FGF12: variants seen among roughly 807,000 people sequenced by gnomAD.
FGF12 encodes the protein fibroblast growth factor 12.
A neutral mutation model predicts 23.6 loss-of-function variants in FGF12; 14 were observed. The observed-to-expected ratio is 0.59, with a 90% CI of 0.39 to 0.93. The LOEUF (loss-of-function observed/expected upper bound fraction) is 0.93. Ranked by LOEUF, FGF12 falls within the 40% of genes least tolerant of loss-of-function variation. FGF12 has a pLI of 0.00. For missense variants in FGF12, 175 were observed against 217.8 expected (o/e 0.80, Z 1.24); for synonymous variants, 62 against 77.3 (o/e 0.80, Z 1.04).
chr3:192,365,976 T>TAAAAAA (rs5855421), intron 2 of FGF12, among the ~76,000 whole-genome samples: 4 of 130,784 alleles, frequency 3.1e-5, no homozygotes, highest in Non-Finnish European at 3.5e-5. Context: ...GCTTCAAAGG[T>TAAAAAA]AAAAAAAAAA....
chr3:192,425,597 G>C (rs568736140), intron 2 of FGF12, among the ~76,000 whole-genome samples: 1 of 152,250 alleles, frequency 6.6e-6, no homozygotes, highest in Admixed American at 6.5e-5. Context: ...TGAATGAACA[G>C]TGTTTGGAGA....
At chr3:192,583,556 A>C (rs1378696727) in intron 2 of FGF12, among the ~76,000 whole-genome samples, 1 of 152,210 alleles carries the variant, frequency 6.6e-6, no homozygotes, top group African/African-American at 2.4e-5. Flanking sequence ...AGACTGAAGC[A>C]GTTTTGAGTT....
At chr3:192,642,889 G>A (rs1715860160) in intron 2 of FGF12, among the ~76,000 whole-genome samples, 1 of 152,230 alleles carries the variant, frequency 6.6e-6, no homozygotes, top group Non-Finnish European at 1.5e-5. Context: ...TTCATGGGGA[G>A]TCCTGCCCAA....
intron 2 of FGF12, among the ~76,000 whole-genome samples, chr3:192,377,361 G>A (rs1219178115): frequency 2.0e-5 from 3 of 152,086 alleles, no homozygotes; most frequent in South Asian, 4.1e-4. Context: ...TGCTCATCTC[G>A]ATAAATATAA....
intron 2 of FGF12, among the ~76,000 whole-genome samples, chr3:192,597,086 T>C (rs1248413534): frequency 2.0e-5 from 3 of 152,286 alleles, no homozygotes; most frequent in Non-Finnish European, 4.4e-5. Context: ...CGCAAAAATA[T>C]ATGTGAAACT....
At chr3:192,609,384 G>T (rs1270328950) in intron 2 of FGF12, among the ~76,000 whole-genome samples, 1 of 152,092 alleles carries the variant, frequency 6.6e-6, no homozygotes, top group Non-Finnish European at 1.5e-5. Flanking sequence ...ATGATTGTTG[G>T]TTCTTATAGT....
chr3:192,421,073 G>A (rs1319556675), intron 2 of FGF12, among the ~76,000 whole-genome samples: 1 of 152,148 alleles, frequency 6.6e-6, no homozygotes, highest in South Asian at 2.1e-4. Context: ...CATGCATGAA[G>A]TTAGGAGCTT....
At chr3:192,576,938 T>C (rs1712922773) in intron 2 of FGF12, among the ~76,000 whole-genome samples, 1 of 152,184 alleles carries the variant, frequency 6.6e-6, no homozygotes, top group Admixed American at 6.5e-5. Context: ...ACCATCATTC[T>C]TGGCAAACTA....
At chr3:192,489,536 T>C (rs1360276137) in intron 2 of FGF12, among the ~76,000 whole-genome samples, 4 of 152,058 alleles carry the variant, frequency 2.6e-5, no homozygotes, top group South Asian at 4.1e-4. Flanking sequence ...TTAATAATAC[T>C]ATGCCTCACT....
chr3:192,543,737 G>C (rs1007062616), intron 2 of FGF12, among the ~76,000 whole-genome samples: 27 of 152,280 alleles, frequency 1.8e-4, no homozygotes, highest in African/African-American at 5.3e-4. Context: ...GATGAATCCT[G>C]CCAGGACTGG....
chr3:192,464,499 GGT>G (rs34803297), intron 2 of FGF12, among the ~76,000 whole-genome samples: 51,012 of 132,074 alleles, frequency 0.39, 9,532 homozygotes, highest in East Asian at 0.46. Flanking sequence ...AGTATTCCAT[GGT>G]GTGTGTGTGT....
At chr3:192,498,761 G>GT (rs1724035684) in intron 2 of FGF12, among the ~76,000 whole-genome samples, 1 of 152,212 alleles carries the variant, frequency 6.6e-6, no homozygotes, top group African/African-American at 2.4e-5. Flanking sequence ...CACACACTTT[G>GT]TAAGAGTCTA....
intron 3 of FGF12, among the ~76,000 whole-genome samples, chr3:192,357,626 T>C (rs1372128083): frequency 6.6e-6 from 1 of 152,026 alleles, no homozygotes; most frequent in Admixed American, 6.6e-5. Flanking sequence ...TTCATGCACC[T>C]AGTCATTCAT....
chr3:192,659,819 A>G lies in FGF12; in HGVS notation c.13+67362T>C, dbSNP rs376515990. On this transcript the variant is annotated intron_variant, in intron 2 of 5. Transcript: ENST00000445105. The stretch of plus-strand genomic sequence containing the variant: ...CCTCTCCAGTACCTGTTGTTTCCTG[A>G]CTTTTTAATGATGCCATTCTAACTG... Among the ~76,000 whole-genome samples, 4 of 152,106 alleles carry G rather than the reference A, an allele frequency of 2.6e-5. No individual in the cohort carries two copies. In the East Asian group the frequency reaches 5.8e-4, roughly 22 times the overall value.
At chr3:192,322,719 C>A (rs188465540) in intron 4 of FGF12, among the ~76,000 whole-genome samples, 1 of 152,000 alleles carries the variant, frequency 6.6e-6, no homozygotes, top group African/African-American at 2.4e-5. Flanking sequence ...AACTCATTTT[C>A]GACAAAGTTT....
chr3:192,269,483 T>G (rs928528109), intron 4 of FGF12, among the ~76,000 whole-genome samples: 2 of 152,180 alleles, frequency 1.3e-5, no homozygotes, highest in African/African-American at 4.8e-5. Flanking sequence ...TTATCAGCCC[T>G]GCAATCTTGC....
chr3:192,435,440 A>G (rs557785939), intron 2 of FGF12, among the ~76,000 whole-genome samples: 1 of 152,306 alleles, frequency 6.6e-6, no homozygotes, highest in East Asian at 1.9e-4. Context: ...TACTCCCAGG[A>G]CTGCTCACTG....
chr3:192,237,340 G>T (rs1719356078), intron 4 of FGF12, among the ~76,000 whole-genome samples: 1 of 152,040 alleles, frequency 6.6e-6, no homozygotes, highest in Non-Finnish European at 1.5e-5. Flanking sequence ...ATAGTATTTT[G>T]CAGGGGTTCT....
chr3:192,527,419 T>C (rs1192900906), intron 2 of FGF12, among the ~76,000 whole-genome samples: 1 of 152,212 alleles, frequency 6.6e-6, no homozygotes, highest in East Asian at 1.9e-4. Flanking sequence ...TCTGAAAGGT[T>C]GTATACTTCC....
Sources: gnomAD v4.1 joint callset for allele counts (sites outside exome capture counted in the v4.1 genomes callset) on GRCh38, gnomAD v4.1.1 for gene constraint, MANE v1.5 for transcripts, NCBI Gene and HGNC (gene_info 2026-07-23, HGNC 2026-07-21) for gene names.